CNTLN: variants seen among roughly 807,000 people sequenced by gnomAD.
CNTLN encodes the protein centlein.
CNTLN carries 212 observed loss-of-function variants against 180.0 expected under a neutral mutation model. That is an observed-to-expected ratio of 1.18 (90% CI 1.05 to 1.32). The LOEUF (loss-of-function observed/expected upper bound fraction) is 1.32, where lower values mean the gene tolerates loss of function less well. Ranked by LOEUF, CNTLN falls within the 40% of genes most tolerant of loss-of-function variation. The pLI is 0.00. For missense variants in CNTLN, 2,095 were observed against 1,610.9 expected (o/e 1.30, Z -5.14); for synonymous variants, 722 against 563.1 (o/e 1.28, Z -3.99).
intron 2 of CNTLN, among the ~76,000 whole-genome samples, chr9:17,197,995 C>T (rs544712221): frequency 1.3e-5 from 2 of 152,080 alleles, no homozygotes; most frequent in African/African-American, 2.4e-5. Flanking sequence ...AAGAGACTCT[C>T]CTTTCCCCAA....
At chr9:17,521,578 C>A in the CNTLN span, among the ~76,000 whole-genome samples, 1 of 152,110 alleles carries the variant, frequency 6.6e-6, no homozygotes, top group African/African-American at 2.4e-5. Context: ...ATTCCTTGAA[C>A]AAAAGCCAGA....
At chr9:17,383,471 G>A (rs1172856507) in intron 13 of CNTLN, among the ~76,000 whole-genome samples, 3 of 151,728 alleles carry the variant, frequency 2.0e-5, no homozygotes, top group Middle Eastern at 6.3e-3. Flanking sequence ...CTGAGATCAC[G>A]CCACTGCATT....
At chr9:17,237,692 C>T (rs1188143748) in intron 5 of CNTLN, among the ~76,000 whole-genome samples, 1 of 151,890 alleles carries the variant, frequency 6.6e-6, no homozygotes, top group Non-Finnish European at 1.5e-5. Flanking sequence ...TTGGAGACCC[C>T]TGGCTGGGTT....
intron 5 of CNTLN, among the ~76,000 whole-genome samples, chr9:17,270,982 G>T (rs540761342): frequency 1.2e-3 from 151 of 123,968 alleles, no homozygotes; most frequent in Non-Finnish European, 1.8e-3. Context: ...ACAGAGTCTT[G>T]CTCTGTCGCC....
intron 1 of CNTLN, among the ~76,000 whole-genome samples, chr9:17,137,742 A>G (rs1305705237): frequency 6.6e-6 from 1 of 152,182 alleles, no homozygotes; most frequent in African/African-American, 2.4e-5. Context: ...CATTCAACTT[A>G]TGGGAATTCA....
intron 2 of CNTLN, among the ~76,000 whole-genome samples, chr9:17,170,032 T>C (rs1234928825): frequency 2.0e-5 from 3 of 152,184 alleles, no homozygotes; most frequent in Non-Finnish European, 4.4e-5. Flanking sequence ...CCATGAGCTA[T>C]TTTTCCAGTT....
At position 17,406,360 on chromosome 9, in the gene CNTLN, G is replaced by A. The variant is rs544403329; in HGVS notation, c.2616-2933G>A. 2.6e-5 allele frequency among the ~76,000 whole-genome samples: 4 copies of A among 151,796 alleles called. No individual in the cohort carries two copies. The South Asian group carries it at 8.3e-4, about 31-fold the overall frequency. ...CTCCCTGCTTTCAGCCTTGTTTTTAGTCCATATTTACTGTGTTCTACCTAC... is the reference window on the plus strand; with the variant it reads ...CTCCCTGCTTTCAGCCTTGTTTTTAATCCATATTTACTGTGTTCTACCTAC... On this transcript the variant is annotated intron_variant, in intron 15 of 25. Transcript: ENST00000380647.
intron 2 of CNTLN, among the ~76,000 whole-genome samples, chr9:17,161,627 T>C (rs1242263696): frequency 6.6e-6 from 1 of 152,244 alleles, no homozygotes; most frequent in Non-Finnish European, 1.5e-5. Context: ...CTTTAAAAAT[T>C]AGTATTAGTA....
intron 2 of CNTLN, among the ~76,000 whole-genome samples, chr9:17,211,632 A>T (rs1022247595): frequency 1.3e-5 from 2 of 152,170 alleles, no homozygotes; most frequent in African/African-American, 4.8e-5. Context: ...TTGAATCTAT[A>T]AATTACCTTG....
At chr9:17,489,904 T>C (rs1407021887) in intron 25 of CNTLN, among the ~76,000 whole-genome samples, 1 of 152,182 alleles carries the variant, frequency 6.6e-6, no homozygotes, top group East Asian at 1.9e-4. Context: ...TACTTTCATC[T>C]TTCTATGGCA....
At chr9:17,345,358 T>C (rs1821795558) in intron 12 of CNTLN, among the ~76,000 whole-genome samples, 2 of 150,382 alleles carry the variant, frequency 1.3e-5, no homozygotes. Context: ...TATGGATATT[T>C]TGCATGCTGA....
In CNTLN at chr9:17,207,838, A is replaced by C. The variant is rs191138964; in HGVS notation, c.450-18365A>C. On this transcript the variant is annotated intron_variant, in intron 2 of 25. Transcript: ENST00000380647. Reference sequence around the variant, plus strand: ...GACTTTTTATCATGCAACTTTACTGAATTTATCAGTCCTAATAATTTTCTT... The same window carrying C: ...GACTTTTTATCATGCAACTTTACTGCATTTATCAGTCCTAATAATTTTCTT... Among the ~76,000 whole-genome samples the C allele has an allele frequency of 6.5e-4, 99 of 151,984 alleles. 1 individual carries two copies. Among genetic ancestry groups the C allele is most frequent in the African/African-American group, 2.3e-3 (96 of 41,442 alleles).
At chr9:17,423,079 C>G (rs1257456753) in intron 18 of CNTLN, among the ~76,000 whole-genome samples, 21 of 152,200 alleles carry the variant, frequency 1.4e-4, no homozygotes, top group Admixed American at 1.4e-3. Flanking sequence ...AAAGGAGTCT[C>G]TCCTTCCATG....
At chr9:17,388,462 G>A (rs1046546533) in intron 14 of CNTLN, among the ~76,000 whole-genome samples, 3 of 151,942 alleles carry the variant, frequency 2.0e-5, no homozygotes, top group Non-Finnish European at 4.4e-5. Context: ...TTCCATTGAT[G>A]TAGATTAACA....
chr9:17,293,151 C>G (rs1337776117), intron 6 of CNTLN, among the ~76,000 whole-genome samples: 3 of 152,210 alleles, frequency 2.0e-5, no homozygotes, highest in African/African-American at 4.8e-5. Context: ...CTTCCTCTGG[C>G]TGGGATCTTC....
intron 18 of CNTLN, among the ~76,000 whole-genome samples, chr9:17,427,688 AAT>A (rs1202422614): frequency 6.6e-6 from 1 of 152,202 alleles, no homozygotes; most frequent in African/African-American, 2.4e-5. Flanking sequence ...TGGCTAAGGC[AAT>A]TAAAACTACC....
downstream of CNTLN, among the ~76,000 whole-genome samples, chr9:17,506,031 T>C (rs1037280835): frequency 9.7e-4 from 147 of 151,914 alleles, 1 homozygote; most frequent in African/African-American, 3.5e-3. Flanking sequence ...AATAGAGGCA[T>C]AATCACCTTT....
intron 7 of CNTLN, chr9:17,299,767 A>C: frequency 1.0e-6 from 1 of 982,974 alleles, no homozygotes; most frequent in African/African-American, 1.7e-5. Flanking sequence ...ATTGTTATTA[A>C]TACTAATTAA....
At chr9:17,146,098 C>G (rs553536688) in intron 2 of CNTLN, among the ~76,000 whole-genome samples, 1 of 152,274 alleles carries the variant, frequency 6.6e-6, no homozygotes, top group South Asian at 2.1e-4. Flanking sequence ...TGTAAAATCT[C>G]AACATCATCT....
Sources: gnomAD v4.1 joint callset for allele counts (sites outside exome capture counted in the v4.1 genomes callset) on GRCh38, gnomAD v4.1.1 for gene constraint, MANE v1.5 for transcripts, NCBI Gene and HGNC (gene_info 2026-07-23, HGNC 2026-07-21) for gene names.